The following ENOX1 variants were observed in gnomAD, a reference collection of about 807,000 sequenced individuals.
The protein encoded by ENOX1 is candidate growth-related and time keeping constitutive hydroquinone (NADH) oxidase.
In ENOX1, 42 loss-of-function variants were observed where a neutral mutation model predicts 82.5. The ratio of observed to expected loss-of-function variants is 0.51; its 90% CI spans 0.40 to 0.66. The LOEUF is 0.66. ENOX1 is among the 30% of genes least tolerant of loss of function. The pLI is 0.00. For missense variants in ENOX1, 608 were observed against 811.6 expected, an observed-to-expected ratio of 0.75 and a Z score of 3.05; for synonymous variants, 271 against 282.2, an observed-to-expected ratio of 0.96 and a Z score of 0.40.
At chr13:43,482,475 G>A (rs950279722) in intron 3 of ENOX1, among the ~76,000 whole-genome samples, 1 of 152,134 alleles carries the variant, frequency 6.6e-6, no homozygotes, top group Admixed American at 6.5e-5. Context: ...GAGCTGAAGG[G>A]AGGAGAAACA....
intron 3 of ENOX1, among the ~76,000 whole-genome samples, chr13:43,478,750 G>A (rs57732756): frequency 0.012 from 1,761 of 152,204 alleles, 43 homozygotes; most frequent in African/African-American, 0.041. Flanking sequence ...TATAAAAATT[G>A]AGATACCCCT....
intron 2 of ENOX1, among the ~76,000 whole-genome samples, chr13:43,635,750 AG>A (rs1338448185): frequency 4.6e-5 from 7 of 152,164 alleles, no homozygotes; most frequent in Non-Finnish European, 1.0e-4. Flanking sequence ...AAAGAGACAG[AG>A]AGATAAAGGA....
chr13:43,520,351 C>T (rs189370824), intron 2 of ENOX1, among the ~76,000 whole-genome samples: 20 of 152,120 alleles, frequency 1.3e-4, no homozygotes, highest in Non-Finnish European at 2.8e-4. Flanking sequence ...AACAGTCAAT[C>T]TGCACACACA....
chr13:43,401,525 T>C (rs1476586297), intron 5 of ENOX1, among the ~76,000 whole-genome samples: 3 of 152,132 alleles, frequency 2.0e-5, no homozygotes, highest in Non-Finnish European at 4.4e-5. Flanking sequence ...CCTGGAAATT[T>C]CAGGGCAGAG....
intron 8 of ENOX1, among the ~76,000 whole-genome samples, chr13:43,351,266 TC>T (rs1199558613): frequency 6.6e-6 from 1 of 152,208 alleles, no homozygotes; most frequent in African/African-American, 2.4e-5. Context: ...GAGTTAATGT[TC>T]CCTTCTACCC....
At chr13:43,327,995 T>C (rs2048209715) in intron 9 of ENOX1, among the ~76,000 whole-genome samples, 1 of 152,196 alleles carries the variant, frequency 6.6e-6, no homozygotes, top group Non-Finnish European at 1.5e-5. Context: ...GCAAAACCTG[T>C]CATCATGTCA....
At chr13:43,297,294 T>G (rs1419623466) in intron 12 of ENOX1, among the ~76,000 whole-genome samples, 2 of 152,198 alleles carry the variant, frequency 1.3e-5, no homozygotes, top group Admixed American at 6.5e-5. Flanking sequence ...CTAAGATACT[T>G]CTGTAGGCAA....
At chr13:43,467,741 G>A (rs1342181269) in intron 3 of ENOX1, among the ~76,000 whole-genome samples, 1 of 151,980 alleles carries the variant, frequency 6.6e-6, no homozygotes, top group Non-Finnish European at 1.5e-5. Context: ...CCTAATCCAA[G>A]GTCATAAAGA....
intron 2 of ENOX1, among the ~76,000 whole-genome samples, chr13:43,620,318 G>C (rs1276633295): frequency 6.6e-6 from 1 of 151,554 alleles, no homozygotes; most frequent in East Asian, 1.9e-4. Context: ...TGTTTCTCTA[G>C]TTCCTTAAAG....
intron 3 of ENOX1, among the ~76,000 whole-genome samples, chr13:43,435,300 TG>T (rs1277598054): frequency 2.0e-5 from 3 of 152,170 alleles, no homozygotes; most frequent in African/African-American, 7.2e-5. Context: ...AGGGGTAGTG[TG>T]GCCTGTTGGT....
At chr13:43,542,176 G>C (rs1345627592) in intron 2 of ENOX1, among the ~76,000 whole-genome samples, 1 of 152,038 alleles carries the variant, frequency 6.6e-6, no homozygotes. Flanking sequence ...ATCTTGCTCT[G>C]TCGTTCTGGC....
chr13:43,598,669 T>C (rs964630573), intron 2 of ENOX1, among the ~76,000 whole-genome samples: 1 of 152,246 alleles, frequency 6.6e-6, no homozygotes, highest in Non-Finnish European at 1.5e-5. Context: ...TTCATTTTTA[T>C]TGTAACTTGT....
chr13:43,563,761 A>G (rs966017094), intron 2 of ENOX1, among the ~76,000 whole-genome samples: 19 of 152,108 alleles, frequency 1.2e-4, no homozygotes, highest in Admixed American at 3.9e-4. Flanking sequence ...AGAAATGGAT[A>G]AAGACACATA....
At chr13:43,477,688 A>G (rs117074553) in intron 3 of ENOX1, among the ~76,000 whole-genome samples, 17 of 152,266 alleles carry the variant, frequency 1.1e-4, no homozygotes, top group Non-Finnish European at 1.3e-4. Context: ...CAACTCATAC[A>G]CTATTTATTT....
chr13:43,487,830 T>C lies in ENOX1; in HGVS notation c.-218-3678A>G, dbSNP rs112266322. 4.2e-3 allele frequency among the ~76,000 whole-genome samples: 637 copies of C among 152,354 alleles called. 7 individuals are homozygous for C. The highest frequency in any genetic ancestry group is 0.015 in the African/African-American group (609 of 41,574). ...CAGAGCCACAAAATGATGGTGGCTA[T>C]AATTCCCTAGAAGCAATAAAAGCAA... On this transcript the variant is annotated intron_variant, in intron 2 of 16. Coordinates refer to ENST00000690772, the MANE Select transcript of ENOX1 (RefSeq NM_001347969.2).
intron 8 of ENOX1, among the ~76,000 whole-genome samples, chr13:43,355,114 G>T (rs2050065660): frequency 6.6e-6 from 1 of 152,158 alleles, no homozygotes; most frequent in African/African-American, 2.4e-5. Context: ...CCTCAGGAGG[G>T]TCTGACCATC....
intron 2 of ENOX1, among the ~76,000 whole-genome samples, chr13:43,600,616 G>A (rs1291660040): frequency 6.6e-6 from 1 of 152,170 alleles, no homozygotes; most frequent in African/African-American, 2.4e-5. Flanking sequence ...CTAACAGGAA[G>A]AACACAAACT....
intron 9 of ENOX1, among the ~76,000 whole-genome samples, chr13:43,330,585 TTTAA>T (rs1306724197): frequency 6.6e-6 from 1 of 152,216 alleles, no homozygotes; most frequent in Non-Finnish European, 1.5e-5. Flanking sequence ...AATTCTGTGT[TTTAA>T]TTGTTTGCCT....
intron 2 of ENOX1, among the ~76,000 whole-genome samples, chr13:43,633,907 A>T (rs1230260697): frequency 1.3e-5 from 2 of 152,110 alleles, no homozygotes; most frequent in East Asian, 3.8e-4. Context: ...CAAATATACA[A>T]ATTGCACATA....
Sources: allele counts gnomAD v4.1 joint callset (sites outside exome capture counted in the v4.1 genomes callset), GRCh38; gene constraint gnomAD v4.1.1; transcripts MANE v1.5; gene names NCBI Gene and HGNC (gene_info 2026-07-23, HGNC 2026-07-21).